Variants in C12orf56 observed in about 807,000 individuals in gnomAD.
The protein encoded by C12orf56 is uncharacterized protein C12orf56.
Under a neutral mutation model 69.9 loss-of-function variants are expected in C12orf56, and 71 were observed. The observed-to-expected ratio is 1.02, with a 90% CI of 0.84 to 1.24. C12orf56 has a LOEUF of 1.24. C12orf56 is among the 50% of genes most tolerant of loss of function. The pLI is 0.00. For missense variants in C12orf56, 732 were observed against 738.5 expected (o/e 0.99, Z 0.10); for synonymous variants, 276 against 274.1 (o/e 1.01, Z -0.07).
intron 2 of C12orf56, chr12:64,338,459 G>T: frequency 1.1e-6 from 1 of 874,156 alleles, no homozygotes; most frequent in Non-Finnish European, 2.0e-6. Context: ...CTTTACCAGA[G>T]GGAAATCTTA....
At position 64,353,144 on chromosome 12, in the gene C12orf56, G is replaced by GC. The variant is rs796980063; in HGVS notation, c.253-89_253-88insG. The GC allele has an allele frequency of 8.3e-6, 10 of 1,203,250 alleles. No individual in the cohort carries two copies. In the Admixed American group the frequency reaches 1.2e-4, roughly 15 times the overall value. 74.5% of individuals were successfully genotyped at this position (1,203,250 alleles called of 1,614,324 possible). A position where few individuals can be genotyped will look rare whatever the true frequency, so the allele number is the denominator to read the frequency against. On this transcript the variant is annotated intron_variant, in intron 1 of 12. Transcript: ENST00000543942. Reference sequence around the variant, plus strand: ...ATAAATCCCCCAAAGCTAACAGCAAGTTTTTTTTTTCCACATATATATATA... The same window carrying GC: ...ATAAATCCCCCAAAGCTAACAGCAAGCTTTTTTTTTTCCACATATATATATA...
At chr12:64,313,459 A>G (rs964485739) in intron 4 of C12orf56, among the ~76,000 whole-genome samples, 1 of 151,818 alleles carries the variant, frequency 6.6e-6, no homozygotes, top group Non-Finnish European at 1.5e-5. Context: ...AGGCAGGTGG[A>G]TCAAAAGAGT....
At chr12:64,358,641 A>G (rs1012361116) in intron 1 of C12orf56, among the ~76,000 whole-genome samples, 6 of 151,100 alleles carry the variant, frequency 4.0e-5, no homozygotes, top group Admixed American at 3.3e-4. Context: ...TAAAAATACA[A>G]AAATTAGCCA....
At chr12:64,302,383 C>A (rs1269478274) in intron 6 of C12orf56, among the ~76,000 whole-genome samples, 1 of 152,128 alleles carries the variant, frequency 6.6e-6, no homozygotes, top group Non-Finnish European at 1.5e-5. Context: ...CAGGAATTTC[C>A]TTAGTCCCAG....
intron 2 of C12orf56, among the ~76,000 whole-genome samples, chr12:64,350,665 G>T (rs2039210619): frequency 6.6e-6 from 1 of 152,172 alleles, no homozygotes; most frequent in South Asian, 2.1e-4. Flanking sequence ...ACCTCAAAAG[G>T]AGAGGAGTTT....
intron 3 of C12orf56, among the ~76,000 whole-genome samples, chr12:64,322,160 A>T (rs188498036): frequency 6.6e-6 from 1 of 151,694 alleles, no homozygotes; most frequent in Non-Finnish European, 1.5e-5. Flanking sequence ...TCTGCACTAT[A>T]CTTTTTCTCC....
intron 5 of C12orf56, among the ~76,000 whole-genome samples, chr12:64,312,414 C>T (rs1282690217): frequency 6.6e-6 from 1 of 152,082 alleles, no homozygotes; most frequent in Non-Finnish European, 1.5e-5. Context: ...TCTAACCGAC[C>T]TGGCCAACAT....
intron 2 of C12orf56, chr12:64,338,640 T>C: frequency 6.3e-7 from 1 of 1,593,366 alleles, no homozygotes; most frequent in Non-Finnish European, 8.6e-7. Context: ...TCCATAATCT[T>C]TAGTCTTTGG....
intron 3 of C12orf56, among the ~76,000 whole-genome samples, chr12:64,322,358 A>C (rs1262468560): frequency 6.6e-6 from 1 of 152,146 alleles, no homozygotes; most frequent in African/African-American, 2.4e-5. Context: ...TGAGCCATTC[A>C]GTGAATTTTT....
intron 3 of C12orf56, among the ~76,000 whole-genome samples, chr12:64,323,244 C>T (rs1444775101): frequency 2.0e-5 from 3 of 152,098 alleles, no homozygotes; most frequent in Non-Finnish European, 4.4e-5. Context: ...TGTCTAAATT[C>T]CGTTCTTACC....
chr12:64,317,037 G>C (rs1337480734), intron 4 of C12orf56, among the ~76,000 whole-genome samples: 1 of 152,104 alleles, frequency 6.6e-6, no homozygotes, highest in Non-Finnish European at 1.5e-5. Flanking sequence ...AGTCAGGTAA[G>C]TTTTGGCTTT....
chr12:64,303,573 GT>G (rs1315429099), intron 6 of C12orf56, 61 bp downstream of exon 6: 12 of 1,281,346 alleles, frequency 9.4e-6, no homozygotes, highest in Non-Finnish European at 1.3e-5. Flanking sequence ...TTTAATGTAT[GT>G]TTGTATTTGG....
At chr12:64,306,878 G>T (rs2038520723) in intron 5 of C12orf56, among the ~76,000 whole-genome samples, 1 of 152,096 alleles carries the variant, frequency 6.6e-6, no homozygotes, top group East Asian at 1.9e-4. Context: ...AAACCTAAAG[G>T]ATGTTTATTC....
intron 1 of C12orf56, among the ~76,000 whole-genome samples, chr12:64,377,100 C>T (rs183487535): frequency 1.1e-4 from 16 of 151,854 alleles, no homozygotes; most frequent in African/African-American, 3.6e-4. Context: ...GATTTGCATT[C>T]TGTAGTGATT....
chr12:64,332,648 G>C (rs535378295), intron 2 of C12orf56, among the ~76,000 whole-genome samples: 1 of 152,080 alleles, frequency 6.6e-6, no homozygotes, highest in Non-Finnish European at 1.5e-5. Flanking sequence ...TATGAGTTTC[G>C]GTCCCCATAA....
Position 64,270,541 on chromosome 12 carries a change from T to C in C12orf56, c.1758A>G (p.Glu586=). The change falls in exon 12 of 13, where the codon GAA becomes GAG. Residue 586 remains glutamate (E), a synonymous_variant. Coordinates refer to ENST00000543942, the MANE Select transcript of C12orf56 (RefSeq NM_001170633.2). ...AEYIRNNYRE[E]FRYFIHMPAL... ...ATTCAGACATTTTTTCTTACCTGAA[T>C]TCTTCTCTGTAGTTATTCCTAATAT... is the stretch of plus-strand genomic sequence containing the variant. The C allele has an allele frequency of 6.4e-7, 1 of 1,551,874 alleles. No individual in the cohort carries two copies. Among genetic ancestry groups the C allele is most frequent in the South Asian group, 1.2e-5 (1 of 81,666 alleles).
chr12:64,383,071 C>T (rs764440455), intron 1 of C12orf56, among the ~76,000 whole-genome samples: 1 of 151,770 alleles, frequency 6.6e-6, no homozygotes, highest in African/African-American at 2.4e-5. Context: ...AATCCCAGCA[C>T]TTTGGGAGGC....
intron 2 of C12orf56, among the ~76,000 whole-genome samples, chr12:64,339,120 T>C (rs1007198811): frequency 2.0e-5 from 3 of 152,236 alleles, no homozygotes; most frequent in Admixed American, 6.5e-5. Context: ...CACTCAGGCC[T>C]GTCGGCTTCT....
At chr12:64,380,092 A>AAG (rs2039693378) in intron 1 of C12orf56, among the ~76,000 whole-genome samples, 1 of 122,562 alleles carries the variant, frequency 8.2e-6, no homozygotes, top group Non-Finnish European at 1.6e-5. Context: ...GCGACAGAGC[A>AAG]AGACTCCGTC....
Sources: gnomAD v4.1 joint callset for allele counts (sites outside exome capture counted in the v4.1 genomes callset) on GRCh38, gnomAD v4.1.1 for gene constraint, MANE v1.5 for transcripts, NCBI Gene and HGNC (gene_info 2026-07-23, HGNC 2026-07-21) for gene names.